The following ARHGAP20 variants were observed in gnomAD, a reference collection of about 807,000 sequenced individuals.
The protein encoded by ARHGAP20 is Rho GTPase activating protein 20, also known as rho GTPase-activating protein 20.
Under a neutral mutation model 73.7 loss-of-function variants are expected in ARHGAP20, and 34 were observed. That is an observed-to-expected ratio of 0.46 (90% CI 0.35 to 0.61). The LOEUF (loss-of-function observed/expected upper bound fraction) is 0.61, where lower values mean the gene tolerates loss of function less well. ARHGAP20 is among the 20% of genes least tolerant of loss of function. The probability of loss-of-function intolerance (pLI) is 0.00; values close to 1 mark genes in which losing one functional copy is unlikely to be tolerated. For missense variants in ARHGAP20, 1,314 were observed against 1,420.9 expected, an observed-to-expected ratio of 0.92 and a Z score of 1.21; for synonymous variants, 523 against 518.2, an observed-to-expected ratio of 1.01 and a Z score of -0.13.
At chr11:110,644,997 T>TTCTCTCTCTCTCTCTCTCTCTCTCTCTC (rs71476091) in intron 2 of ARHGAP20, among the ~76,000 whole-genome samples, 17 of 150,404 alleles carry the variant, frequency 1.1e-4, no homozygotes, top group Admixed American at 2.7e-4. Context: ...GAACAGACAC[T>TTCTCTCTCTCTCTCTCTCTCTCTCTCTC]TCTCTCTCTC....
chr11:110,679,598 T>C (rs1405057495), intron 2 of ARHGAP20, among the ~76,000 whole-genome samples: 2 of 152,162 alleles, frequency 1.3e-5, no homozygotes, highest in East Asian at 3.8e-4. Context: ...AACTGAAGTA[T>C]GCTTAGAATA....
chr11:110,606,213 G>A (rs1445661371), intron 9 of ARHGAP20, among the ~76,000 whole-genome samples: 1 of 152,112 alleles, frequency 6.6e-6, no homozygotes, highest in Non-Finnish European at 1.5e-5. Flanking sequence ...TTTTTATAAT[G>A]CAACCATTTA....
At chr11:110,622,275 A>G (rs186256262) in intron 4 of ARHGAP20, among the ~76,000 whole-genome samples, 31 of 152,322 alleles carry the variant, frequency 2.0e-4, no homozygotes, top group African/African-American at 7.2e-4. Context: ...TCCAAGTTTA[A>G]ATTCCTCTCC....
At chr11:110,633,767 G>T (rs1157298845) in intron 2 of ARHGAP20, among the ~76,000 whole-genome samples, 1 of 152,146 alleles carries the variant, frequency 6.6e-6, no homozygotes, top group Non-Finnish European at 1.5e-5. Flanking sequence ...AAAGCCTATT[G>T]TGGCTGGGGA....
intron 2 of ARHGAP20, among the ~76,000 whole-genome samples, chr11:110,672,939 CT>C (rs1165733726): frequency 6.6e-6 from 1 of 152,124 alleles, no homozygotes; most frequent in East Asian, 1.9e-4. Context: ...TTGATAGCAG[CT>C]TTCTTCATAG....
At chr11:110,593,803 G>C (rs1019319242) in intron 9 of ARHGAP20, among the ~76,000 whole-genome samples, 2 of 152,214 alleles carry the variant, frequency 1.3e-5, no homozygotes, top group African/African-American at 4.8e-5. Context: ...ATTCAAAAGA[G>C]CTTGCAATTA....
intron 8 of ARHGAP20, 51 bp from the exon 9 acceptor site, chr11:110,606,800 G>A: frequency 1.4e-6 from 2 of 1,437,496 alleles, no homozygotes; most frequent in South Asian, 1.5e-5. Context: ...GGTACTGTTA[G>A]CATGTGTACT....
At chr11:110,688,120 C>A (rs1466596093) in intron 2 of ARHGAP20, among the ~76,000 whole-genome samples, 1 of 152,130 alleles carries the variant, frequency 6.6e-6, no homozygotes, top group African/African-American at 2.4e-5. Context: ...AGGGGACTTT[C>A]AAAAGCTATG....
chr11:110,656,651 A>G (rs1045184727), intron 2 of ARHGAP20, among the ~76,000 whole-genome samples: 13 of 152,206 alleles, frequency 8.5e-5, no homozygotes, highest in Admixed American at 7.9e-4. Flanking sequence ...CATTGTGAGT[A>G]TTAAAAAAGT....
At position 110,590,525 on chromosome 11, in the gene ARHGAP20, AATT is replaced by A. The variant is rs1382059510; in HGVS notation, c.1305+120_1305+122del. 15 of 1,086,774 alleles carry A rather than the reference AATT, an allele frequency of 1.4e-5. No homozygotes were observed. The East Asian group carries it at 3.1e-4, about 23-fold the overall frequency. 67.3% of individuals were successfully genotyped at this position (1,086,774 alleles called of 1,614,324 possible). On this transcript the variant is annotated intron_variant, in intron 11 of 14. Coordinates refer to ENST00000683387, the MANE Select transcript of ARHGAP20 (RefSeq NM_001384657.1). The stretch of plus-strand genomic sequence containing the variant: ...TTTTATAACACTTTTTAGTGTTAAA[AATT>A]ATGTTAATAAATCTATTATGGGTCT...
At chr11:110,669,566 C>T (rs1021687587) in intron 2 of ARHGAP20, among the ~76,000 whole-genome samples, 3 of 151,648 alleles carry the variant, frequency 2.0e-5, no homozygotes, top group African/African-American at 7.3e-5. Context: ...AAAAGATGCT[C>T]AACATCATTA....
chr11:110,711,751 C>T, intron 1 of ARHGAP20: 5 of 1,362,250 alleles, frequency 3.7e-6, no homozygotes, highest in Non-Finnish European at 3.8e-6. Context: ...TCGCCCAGGC[C>T]ACTTCGGGAG....
At chr11:110,691,776 C>A (rs919626848) in intron 1 of ARHGAP20, among the ~76,000 whole-genome samples, 1 of 152,106 alleles carries the variant, frequency 6.6e-6, no homozygotes, top group African/African-American at 2.4e-5. Flanking sequence ...TGTTGCTATT[C>A]CACTTGTTAA....
chr11:110,621,682 C>T (rs941385051), intron 4 of ARHGAP20, among the ~76,000 whole-genome samples: 2 of 152,054 alleles, frequency 1.3e-5, no homozygotes, highest in African/African-American at 4.8e-5. Context: ...CTTTTACCTG[C>T]CATGCTTACT....
Position 110,657,946 on chromosome 11 carries a change from G to C in ARHGAP20, c.189-27154C>G, listed in dbSNP as rs956680927. On this transcript the variant is annotated intron_variant, in intron 2 of 14. Transcript: ENST00000683387. ...AGGAAGGAAGGAAGGAAGGAAGGAA[G>C]GAAGGAAGGAAGGAAGGAAGGAAGA... Among the ~76,000 whole-genome samples, 387 of 142,758 alleles carry C rather than the reference G, an allele frequency of 2.7e-3. 3 individuals carry two copies. The highest frequency in any genetic ancestry group is 0.011 in the African/African-American group (373 of 34,228). The allele number at this position is 142,758 out of a possible 152,430, so 93.7% of individuals were successfully genotyped here. A position where few individuals can be genotyped will look rare whatever the true frequency, so the allele number is the denominator to read the frequency against.
chr11:110,691,333 G>C (rs12274141), intron 1 of ARHGAP20, among the ~76,000 whole-genome samples: 3,316 of 152,140 alleles, frequency 0.022, 120 homozygotes, highest in African/African-American at 0.077. Context: ...TCTAGATACA[G>C]CCACTAGAAG....
At chr11:110,676,198 C>T (rs1949925977) in intron 2 of ARHGAP20, among the ~76,000 whole-genome samples, 1 of 152,106 alleles carries the variant, frequency 6.6e-6, no homozygotes, top group African/African-American at 2.4e-5. Context: ...ATATTTCAAC[C>T]ATATACAGCA....
chr11:110,626,423 T>C (rs1216811314), intron 3 of ARHGAP20, among the ~76,000 whole-genome samples: 1 of 152,214 alleles, frequency 6.6e-6, no homozygotes, highest in Admixed American at 6.5e-5. Flanking sequence ...ATAAAAATAA[T>C]GGCCAATATT....
chr11:110,678,180 A>G (rs1949970101), intron 2 of ARHGAP20, among the ~76,000 whole-genome samples: 1 of 152,174 alleles, frequency 6.6e-6, no homozygotes, highest in Non-Finnish European at 1.5e-5. Flanking sequence ...CATAGACAAC[A>G]GTTGAGTGGT....
Sources: gnomAD v4.1 joint callset for allele counts (sites outside exome capture counted in the v4.1 genomes callset) on GRCh38, gnomAD v4.1.1 for gene constraint, MANE v1.5 for transcripts, NCBI Gene and HGNC (gene_info 2026-07-23, HGNC 2026-07-21) for gene names.